DCTN1: variants seen among roughly 807,000 people sequenced by gnomAD.
DCTN1 encodes the protein dynactin subunit 1.
In DCTN1, 61 loss-of-function variants were observed where a neutral mutation model predicts 161.2. The observed-to-expected ratio is 0.38, with a 90% CI of 0.31 to 0.47. The LOEUF (loss-of-function observed/expected upper bound fraction) is 0.47. Among genes scored for constraint, DCTN1 ranks in the 20% least tolerant of loss-of-function variants. The pLI is 0.99. For synonymous variants in DCTN1, 653 were observed against 632.4 expected (o/e 1.03, Z -0.49); for missense variants, 1,404 against 1,623.7 (o/e 0.86, Z 2.33).
Position 74,367,069 on chromosome 2 carries a change from T to C in DCTN1, c.2292A>G (p.Val764=), listed in dbSNP as rs1290529283. The C allele has an allele frequency of 6.2e-7, 1 of 1,614,222 alleles. No individual in the cohort carries two copies. Among genetic ancestry groups the C allele is most frequent in the Non-Finnish European group, 8.5e-7 (1 of 1,180,038 alleles). ...CCTGCAAGAAGGCACGCAGCCGTCC[T>C]ACCTCCACACTCATGCAGTCCAGAG... is the stretch of plus-strand genomic sequence containing the variant. ...QSALDCMSVE[V]GRLRAFLQGG... is the part of the protein sequence containing the mutation. The change falls in exon 20 of 32, where the codon GTA becomes GTG. Residue 764 remains valine, a synonymous_variant. Transcript: ENST00000628224.
chr2:74,367,269 C>G (rs1433599908), intron 19 of DCTN1, 83 bp downstream of exon 19: 1 of 1,573,974 alleles, frequency 6.4e-7, no homozygotes, highest in African/African-American at 1.3e-5. Flanking sequence ...TTATGTGACA[C>G]TTCTTGGGTG....
chr2:74,361,948 T>C, intron 31 of DCTN1, 104 bp downstream of exon 31: 1 of 1,252,860 alleles, frequency 8.0e-7, no homozygotes, highest in Non-Finnish European at 1.2e-6. Context: ...AGGTATGCAG[T>C]TGTTAGACCT....
At chr2:74,382,211 A>AC (rs1675541010), upstream of DCTN1, among the ~76,000 whole-genome samples, 1 of 152,198 alleles carries the variant, frequency 6.6e-6, no homozygotes, top group Non-Finnish European at 1.5e-5. Context: ...TAGTCCCCTA[A>AC]TTTCTTGGAA....
At chr2:74,365,805 C>T (rs1465846440) in intron 24 of DCTN1, 88 bp downstream of exon 24, 14 of 1,612,774 alleles carry the variant, frequency 8.7e-6, no homozygotes, top group East Asian at 2.2e-5. Context: ...ACTCCCAAGC[C>T]GTCTTGGTCC....
chr2:74,368,830 G>T lies in DCTN1; in HGVS notation c.1752C>A (p.His584Gln), dbSNP rs1345909454. ...GCATGAAGGCTGTCAGCAGGGACAT[G>T]TGTCGATTGGCCTGGGCCACCTCCA... ...RQMEVAQANR[H>Q]MSLLTAFMPD... The change falls in exon 16 of 32, where the codon CAC becomes CAA. Residue 584 changes from histidine (H) to glutamine (Q), a missense_variant. By Grantham distance (24) the His-to-Gln change is conservative (BLOSUM62 0). Around this residue, in one of 9 missense-constraint regions of DCTN1, gnomAD observed 278 missense variants for 363.8 expected, o/e 0.76. Transcript: ENST00000628224. 6 of 1,614,286 alleles carry T rather than the reference G, an allele frequency of 3.7e-6. No homozygotes were observed. The highest frequency in any genetic ancestry group is 2.2e-5 in the East Asian group (1 of 44,890).
rs771736182 is a variant in DCTN1 at position 74,376,778 on chromosome 2, G to GA, written c.394-17dup. On this transcript the variant is annotated splice_polypyrimidine_tract_variant and intron_variant, in intron 4 of 31. Coordinates refer to ENST00000628224, the MANE Select transcript of DCTN1 (RefSeq NM_004082.5). Reference sequence around the variant, plus strand: ...TCAGTCCCCGCTGCATGAGGAGTAGGAAAGGGCAGAGTTAGAGAACAGATG... The same window carrying GA: ...TCAGTCCCCGCTGCATGAGGAGTAGGAAAAGGGCAGAGTTAGAGAACAGATG... The GA allele has an allele frequency of 1.9e-6, 3 of 1,601,464 alleles. No individual in the cohort carries two copies. The Admixed American group carries it at 5.2e-5, about 28-fold the overall frequency.
chr2:74,366,499 A>C lies in DCTN1; in HGVS notation c.2588T>G (p.Val863Gly). ...APLAENEGLLVAALEELAFKA... is the reference protein window; with the variant it reads ...APLAENEGLLGAALEELAFKA... ...GAAAGCCAGTTCCTCCAGAGCAGCCACAAGTAGCCCCTCATTCTCTGCCAG... is the reference window on the plus strand; with the variant it reads ...GAAAGCCAGTTCCTCCAGAGCAGCCCCAAGTAGCCCCTCATTCTCTGCCAG... The change falls in exon 22 of 32, where the codon GTG becomes GGG. Residue 863 changes from valine (V) to glycine (G), a missense_variant. This residue lies in a region of DCTN1 where 475 missense variants were observed against 489.8 expected (regional missense o/e 0.97). Coordinates refer to ENST00000628224, the MANE Select transcript of DCTN1 (RefSeq NM_004082.5). 2 of 1,614,198 alleles carry C rather than the reference A, an allele frequency of 1.2e-6. No individual in the cohort carries two copies. The highest frequency in any genetic ancestry group is 1.7e-6 in the Non-Finnish European group (2 of 1,180,028).
In DCTN1 at chr2:74,363,649, G is replaced by C. The variant is rs60419532; in HGVS notation, c.3197-21C>G. On this transcript the variant is annotated intron_variant, in intron 26 of 31. Transcript: ENST00000628224. ...TTCTTCTGTGCTCGGGATAGCCCAT[G>C]GGGGAGCAGGAAAAGAGGAGAGAGG... 2,229 of 1,613,372 alleles carry C rather than the reference G, an allele frequency of 1.4e-3. 33 individuals carry two copies. The African/African-American group carries it at 0.022, about 16-fold the overall frequency.
chr2:74,376,905 G>A, intron 4 of DCTN1, 143 bp from the exon 5 acceptor site: 1 of 760,916 alleles, frequency 1.3e-6, no homozygotes, highest in Non-Finnish European at 2.3e-6. Context: ...TCAGCTTCCA[G>A]GATGTTCACA....
chr2:74,374,517 A>G (rs1675104652), intron 5 of DCTN1, 177 bp from the exon 6 acceptor site: 8 of 1,443,946 alleles, frequency 5.5e-6, no homozygotes, highest in Admixed American at 2.1e-5. Flanking sequence ...ATGCAGTCTC[A>G]GCCTCCCGGT....
chr2:74,362,961 T>C (rs766499131), intron 29 of DCTN1, 33 bp downstream of exon 29: 4 of 1,605,210 alleles, frequency 2.5e-6, no homozygotes, highest in South Asian at 1.1e-5. Flanking sequence ...GAGGGGGCAG[T>C]TTTATTCATC....
intron 5 of DCTN1, 22 bp downstream of exon 5, chr2:74,376,720 G>C (rs757725689): frequency 1.1e-5 from 17 of 1,599,618 alleles, no homozygotes; most frequent in Non-Finnish European, 1.4e-5. Flanking sequence ...ATCCACCCAG[G>C]CACAAATAGT....
rs566433112 is a variant in DCTN1, at chr2:74,378,112, T to C, written c.167A>G (p.Lys56Arg). 1.9e-5 allele frequency: 31 copies of C among 1,614,248 alleles called. No individual in the cohort carries two copies. The highest frequency in any genetic ancestry group is 1.3e-4 in the East Asian group (6 of 44,888). The change falls in exon 2 of 32, where the codon AAA becomes AGA. Residue 56 changes from lysine to arginine, a missense_variant. Physicochemically the swap from Lys to Arg is conservative, Grantham distance 26. Coordinates refer to ENST00000628224, the MANE Select transcript of DCTN1 (RefSeq NM_004082.5). The stretch of plus-strand genomic sequence containing the variant: ...TTCATCCAGAATCACGCCTACCCAT[T>C]TGCCAGTGGCAAACAGTGTGGCTCC... ...YVGATLFATGKWVGVILDEAK... is the reference protein window; with the variant it reads ...YVGATLFATGRWVGVILDEAK...
At position 74,368,147 on chromosome 2, in the gene DCTN1, C is replaced by T; in HGVS notation, c.1855-16G>A. 1 of 1,571,204 alleles carries T rather than the reference C, an allele frequency of 6.4e-7. No individual in the cohort carries two copies. The highest frequency in any genetic ancestry group is 8.6e-7 in the Non-Finnish European group (1 of 1,157,526). On this transcript the variant is annotated splice_polypyrimidine_tract_variant and intron_variant, in intron 16 of 31. Transcript: ENST00000628224. Reference sequence around the variant, plus strand: ...TCAGCTCTGCCTGTGGGAAAAAGCACCAGGAACCTGGGCCTCAGAGCAGAG... The same window carrying T: ...TCAGCTCTGCCTGTGGGAAAAAGCATCAGGAACCTGGGCCTCAGAGCAGAG...
upstream of DCTN1, among the ~76,000 whole-genome samples, chr2:74,382,940 T>C (rs952324882): frequency 2.6e-5 from 4 of 151,528 alleles, no homozygotes; most frequent in Non-Finnish European, 5.9e-5. Context: ...CCGGGCGCGG[T>C]GGCGGGCGCC....
At chr2:74,361,969 A>C in intron 31 of DCTN1, 83 bp downstream of exon 31, 3 of 1,434,450 alleles carry the variant, frequency 2.1e-6, no homozygotes, top group Non-Finnish European at 2.9e-6. Context: ...GAGACTCCAA[A>C]GGCCTCCTCC....
At chr2:74,390,763 C>CTGTGG in intron 1 of DCTN1, 1 of 290,428 alleles carries the variant, frequency 3.4e-6, no homozygotes. Context: ...AGAATCTGTA[C>CTGTGG]TGTAACGAGA....
At position 74,370,632 on chromosome 2, in the gene DCTN1, A is replaced by G; in HGVS notation, c.1037T>C (p.Ile346Thr). ...TTDLEILKAE[I>T]EEKGSDGAAS... ...TGTGGGCCCCTTACCCTTCTCTTCA[A>G]TCTCAGCCTTGAGGATCTCTAAGTC... The change falls in exon 10 of 32, where the codon ATT (isoleucine) becomes ACT (threonine). Residue 346 changes from isoleucine (I) to threonine (T), a missense_variant. Ile to Thr is a moderately conservative substitution (Grantham distance 89). This residue lies in a region of DCTN1 where 278 missense variants were observed against 363.8 expected (regional missense o/e 0.76). Transcript: ENST00000628224. This position sits in a 1 kb window ranked among gnomAD's most constrained non-coding sequence, Gnocchi z 4.4. The G allele has an allele frequency of 1.9e-6, 3 of 1,614,018 alleles. No individual in the cohort carries two copies. Among genetic ancestry groups the G allele is most frequent in the South Asian group, 1.1e-5 (1 of 91,070 alleles).
chr2:74,363,832 G>A, intron 26 of DCTN1: 2 of 685,026 alleles, frequency 2.9e-6, no homozygotes, highest in Non-Finnish European at 5.3e-6. Context: ...ACACCAAACA[G>A]GAGTGAGGCC....
Sources: allele counts gnomAD v4.1 joint callset (sites outside exome capture counted in the v4.1 genomes callset), GRCh38; gene constraint gnomAD v4.1.1; regional missense constraint gnomAD v4.1.1; non-coding constraint Gnocchi (gnomAD v3.1); transcripts MANE v1.5; gene names NCBI Gene and HGNC (gene_info 2026-07-23, HGNC 2026-07-21).